Variants in DGKB observed in about 807,000 individuals in gnomAD.
DGKB encodes diacylglycerol kinase beta.
Under a neutral mutation model 114.3 loss-of-function variants are expected in DGKB, and 67 were observed. The observed-to-expected ratio is 0.59, with a 90% CI of 0.48 to 0.72. The LOEUF (loss-of-function observed/expected upper bound fraction) is 0.72, where lower values mean the gene tolerates loss of function less well. DGKB is among the 30% of genes least tolerant of loss of function. DGKB has a pLI of 0.00. For synonymous variants in DGKB, 398 were observed against 323.1 expected, an observed-to-expected ratio of 1.23 and a Z score of -2.49; for missense variants, 907 against 975.2, an observed-to-expected ratio of 0.93 and a Z score of 0.93.
chr7:14,818,902 G>A (rs1254176400), intron 2 of DGKB, among the ~76,000 whole-genome samples: 1 of 152,304 alleles, frequency 6.6e-6, no homozygotes, highest in African/African-American at 2.4e-5. Flanking sequence ...GAGGTTTGAA[G>A]TCTGATTTAA....
At chr7:14,772,165 C>G (rs1471645059) in intron 2 of DGKB, among the ~76,000 whole-genome samples, 1 of 152,092 alleles carries the variant, frequency 6.6e-6, no homozygotes, top group African/African-American at 2.4e-5. Context: ...GTACCCCAAC[C>G]ACCTTAGGCA....
intron 2 of DGKB, chr7:14,814,031 ATTTTAG>A (rs1421903134): frequency 6.6e-6 from 1 of 152,034 alleles, no homozygotes; most frequent in Non-Finnish European, 1.5e-5. Context: ...TCAATTCTGT[ATTTTAG>A]TTTATTTTCT....
chr7:14,155,742 C>A (rs950105399), intron 25 of DGKB, among the ~76,000 whole-genome samples: 1 of 152,022 alleles, frequency 6.6e-6, no homozygotes, highest in Non-Finnish European at 1.5e-5. Flanking sequence ...ACTGCAATTT[C>A]CATGCTTGTG....
chr7:14,554,981 A>G (rs569361456), intron 20 of DGKB, among the ~76,000 whole-genome samples: 17 of 152,182 alleles, frequency 1.1e-4, no homozygotes, highest in African/African-American at 3.6e-4. Context: ...AAACACAACC[A>G]TAATTACCTT....
At chr7:14,277,679 C>G (rs1799232770) in intron 23 of DGKB, among the ~76,000 whole-genome samples, 1 of 152,162 alleles carries the variant, frequency 6.6e-6, no homozygotes, top group Admixed American at 6.5e-5. Flanking sequence ...AACATTTAGG[C>G]TGATTCCATA....
intron 21 of DGKB, among the ~76,000 whole-genome samples, chr7:14,467,221 A>C (rs983322065): frequency 2.0e-5 from 3 of 149,270 alleles, no homozygotes; most frequent in African/African-American, 7.3e-5. Context: ...ATTTTATTAC[A>C]TACTTATTTA....
intron 16 of DGKB, among the ~76,000 whole-genome samples, chr7:14,609,117 G>A (rs1479353256): frequency 6.6e-6 from 1 of 151,894 alleles, no homozygotes; most frequent in Non-Finnish European, 1.5e-5. Context: ...GCAAGCCTAA[G>A]CTAAAAAGAA....
At chr7:14,239,972 T>C (rs530676856) in intron 23 of DGKB, among the ~76,000 whole-genome samples, 1 of 152,012 alleles carries the variant, frequency 6.6e-6, no homozygotes, top group Non-Finnish European at 1.5e-5. Flanking sequence ...ATTTTTGACA[T>C]GAAGAAAAAA....
At chr7:14,954,346 A>C (rs578138895) in intron 1 of DGKB, among the ~76,000 whole-genome samples, 1 of 152,208 alleles carries the variant, frequency 6.6e-6, no homozygotes, top group African/African-American at 2.4e-5. Context: ...TGCTTGGAGA[A>C]ATACATTAAG....
intron 21 of DGKB, among the ~76,000 whole-genome samples, chr7:14,367,098 G>C (rs1424609333): frequency 1.3e-5 from 2 of 152,122 alleles, no homozygotes; most frequent in Non-Finnish European, 2.9e-5. Context: ...ATGCCAGGCA[G>C]TAGCAGTGAA....
intron 17 of DGKB, among the ~76,000 whole-genome samples, chr7:14,588,138 C>T (rs1196255569): frequency 6.6e-6 from 1 of 152,036 alleles, no homozygotes; most frequent in East Asian, 1.9e-4. Context: ...ACACTTGTCA[C>T]GCTTTTTCAT....
At chr7:14,575,336 G>C (rs1283207069) in intron 19 of DGKB, among the ~76,000 whole-genome samples, 1 of 152,080 alleles carries the variant, frequency 6.6e-6, no homozygotes, top group East Asian at 1.9e-4. Flanking sequence ...TAGAGTAAAT[G>C]CTCAACAAAT....
intron 1 of DGKB, among the ~76,000 whole-genome samples, chr7:14,920,072 T>C (rs1188475521): frequency 6.6e-5 from 10 of 152,154 alleles, no homozygotes; most frequent in Admixed American, 5.9e-4. Context: ...GAGGATGACA[T>C]AGAAAATCTA....
intron 13 of DGKB, among the ~76,000 whole-genome samples, chr7:14,646,373 G>T (rs1424511714): frequency 6.6e-6 from 1 of 152,116 alleles, no homozygotes; most frequent in Non-Finnish European, 1.5e-5. Flanking sequence ...CAACATTGGA[G>T]ACCATAATAC....
intron 21 of DGKB, among the ~76,000 whole-genome samples, chr7:14,400,117 A>G (rs973610885): frequency 6.6e-6 from 1 of 151,948 alleles, no homozygotes; most frequent in African/African-American, 2.4e-5. Flanking sequence ...AATCTCTTCA[A>G]TTAAATTGCA....
chr7:14,770,143 TG>T (rs1244537685), intron 2 of DGKB, among the ~76,000 whole-genome samples: 1 of 152,002 alleles, frequency 6.6e-6, no homozygotes, highest in Non-Finnish European at 1.5e-5. Context: ...AATTGTTATG[TG>T]GTATGTTCAT....
chr7:14,198,800 C>T (rs28496071), intron 23 of DGKB, among the ~76,000 whole-genome samples: 8,259 of 151,882 alleles, frequency 0.054, 350 homozygotes, highest in East Asian at 0.26. Context: ...GGCATTGATA[C>T]TTTAAATGTT....
intron 13 of DGKB, among the ~76,000 whole-genome samples, chr7:14,659,055 T>A (rs1031559656): frequency 1.3e-5 from 2 of 151,984 alleles, no homozygotes; most frequent in African/African-American, 4.8e-5. Context: ...TTTGTCCTAA[T>A]GTTCTCCCTC....
intron 2 of DGKB, chr7:14,816,410 G>C (rs1844162594): frequency 6.6e-6 from 1 of 152,086 alleles, no homozygotes; most frequent in South Asian, 2.1e-4. Context: ...CCAATTTGCT[G>C]TTTGTTTTTC....
Sources: gnomAD v4.1 joint callset for allele counts (sites outside exome capture counted in the v4.1 genomes callset) on GRCh38, gnomAD v4.1.1 for gene constraint, MANE v1.5 for transcripts, NCBI Gene and HGNC (gene_info 2026-07-23, HGNC 2026-07-21) for gene names.